OR8D4: variants seen among roughly 807,000 people sequenced by gnomAD.
OR8D4 encodes the protein olfactory receptor 8D4.
For missense variants in OR8D4, 359 were observed against 372.6 expected (o/e 0.96, Z 0.30); for synonymous variants, 141 against 134.8 (o/e 1.05, Z -0.32).
chr11:123,903,403 C>T (rs1052722454), intron 1 of OR8D4, among the ~76,000 whole-genome samples: 3 of 151,968 alleles, frequency 2.0e-5, no homozygotes, highest in Non-Finnish European at 2.9e-5. Flanking sequence ...TTTTAAATTG[C>T]CCGTGTGTCT....
rs762296614 is a variant in OR8D4, at chr11:123,906,800, C to T, written c.369C>T (p.Tyr123=). 1.5e-5 allele frequency: 25 copies of T among 1,613,748 alleles called. No homozygotes were observed. The highest frequency in any genetic ancestry group is 5.0e-5 in the Admixed American group (3 of 59,990). Residue 123 remains tyrosine, a synonymous_variant, in exon 2 of 2, where the codon TAC becomes TAT. Coordinates refer to ENST00000641687, the MANE Select transcript of OR8D4 (RefSeq NM_001005197.2). ...TGGCAGCCATGGCCTGCGATCGCTA[C>T]GTGGCCATCTGCAGCCCACTGCTCT... ...YMLAAMACDR[Y]VAICSPLLYR... is the part of the protein sequence containing the mutation.
Position 123,909,219 on chromosome 11 carries a change from G to C in OR8D4, c.*1843G>C, listed in dbSNP as rs11219345. The C allele has an allele frequency of 5.4e-3, 819 of 152,130 alleles. 7 individuals carry two copies. Among genetic ancestry groups the C allele is most frequent in the African/African-American group, 0.019 (793 of 41,524 alleles). The allele number at this position is 152,130 out of a possible 1,614,324, so 9.4% of individuals were successfully genotyped here. ...TAGAAATAAAAAAAAATAGATTCAAGATACATTTCTGACTGTGAATAAATA... is the reference window on the plus strand; with the variant it reads ...TAGAAATAAAAAAAAATAGATTCAACATACATTTCTGACTGTGAATAAATA... On this transcript the variant is annotated 3_prime_UTR_variant, in exon 2 of 2. Coordinates refer to ENST00000641687, the MANE Select transcript of OR8D4 (RefSeq NM_001005197.2).
chr11:123,906,547 T>A lies in OR8D4; in HGVS notation c.116T>A (p.Val39Glu). Reference protein sequence around the residue: ...CLFLGIYTVTVVGNLSMISII... With the variant: ...CLFLGIYTVTEVGNLSMISII... ...TTCTTAGGAATTTACACAGTTACTG[T>A]GGTGGGAAACCTCAGCATGATCTCA... The change falls in exon 2 of 2, where the codon GTG (valine) becomes GAG (glutamate). Residue 39 changes from valine (V) to glutamate (E), a missense_variant. Val to Glu is a moderately radical substitution (Grantham distance 121). Transcript: ENST00000641687. 1 of 1,613,836 alleles carries A rather than the reference T, an allele frequency of 6.2e-7. No homozygotes were observed.
In OR8D4 at chr11:123,902,169, A is replaced by G. The variant is rs1863165969; in HGVS notation, c.-104A>G. ...CTGTTGTCACTCAGACACTTAAAGA[A>G]GAAGGTAAAATCAATCCATCTCTAC... is the stretch of plus-strand genomic sequence containing the variant. On this transcript the variant is annotated 5_prime_UTR_variant, in exon 1 of 2. Transcript: ENST00000641687. 6.6e-6 allele frequency: 1 copy of G among 152,166 alleles called. No individual in the cohort carries two copies. Among genetic ancestry groups the G allele is most frequent in the Non-Finnish European group, 1.5e-5 (1 of 68,024 alleles). The allele number at this position is 152,166 out of a possible 1,614,324, so 9.4% of individuals were successfully genotyped here. A position where few individuals can be genotyped will look rare whatever the true frequency, so the allele number is the denominator to read the frequency against.
rs1863222365 is a variant in OR8D4 at position 123,908,281 on chromosome 11, A to G, written c.*905A>G. On this transcript the variant is annotated 3_prime_UTR_variant, in exon 2 of 2. Transcript: ENST00000641687. ...TTAAAATGTCTTGTTTTTTTTCAGC[A>G]TGACCAGTATATGTGCAGTATTTTG... 1 of 152,150 alleles carries G rather than the reference A, an allele frequency of 6.6e-6. No individual in the cohort carries two copies. The highest frequency in any genetic ancestry group is 1.5e-5 in the Non-Finnish European group (1 of 68,020). The allele number at this position is 152,150 out of a possible 1,614,324, so 9.4% of individuals were successfully genotyped here.
chr11:123,906,402 C>T lies in OR8D4; in HGVS notation c.-15-15C>T. The T allele has an allele frequency of 7.0e-7, 1 of 1,418,720 alleles. No individual in the cohort carries two copies. The highest frequency in any genetic ancestry group is 9.6e-7 in the Non-Finnish European group (1 of 1,039,006). 87.9% of individuals were successfully genotyped at this position (1,418,720 alleles called of 1,614,324 possible). ...ACACTGATAGAATTTGACTTTTTCT[C>T]TCTCATCTCCACAGATTTCTCAGAG... On this transcript the variant is annotated splice_polypyrimidine_tract_variant and intron_variant, in intron 1 of 1. Coordinates refer to ENST00000641687, the MANE Select transcript of OR8D4 (RefSeq NM_001005197.2).
chr11:123,907,062 A>G lies in OR8D4; in HGVS notation c.631A>G (p.Ser211Gly). The G allele has an allele frequency of 6.2e-7, 1 of 1,614,106 alleles. No individual in the cohort carries two copies. The highest frequency in any genetic ancestry group is 8.5e-7 in the Non-Finnish European group (1 of 1,179,980). The change falls in exon 2 of 2, where the codon AGC (serine) becomes GGC (glycine). Residue 211 changes from serine to glycine, a missense_variant. Transcript: ENST00000641687. ...TGGTGGATTTAACATGGTGGCCACA[A>G]GCCTAACAATCATTATTTCATATGC... Reference protein sequence around the residue: ...VIGGFNMVATSLTIIISYAFI... With the variant: ...VIGGFNMVATGLTIIISYAFI...
At chr11:123,905,924 A>G (rs1183725297) in intron 1 of OR8D4, among the ~76,000 whole-genome samples, 3 of 152,194 alleles carry the variant, frequency 2.0e-5, no homozygotes, top group African/African-American at 7.2e-5. Context: ...TGTTATCAGT[A>G]CTGCACAAAG....
rs942749634 is a variant in OR8D4, at chr11:123,907,512, C to T, written c.*136C>T. 1.7e-4 allele frequency: 80 copies of T among 466,222 alleles called. 1 individual carries two copies. Among genetic ancestry groups the T allele is most frequent in the Non-Finnish European group, 2.7e-4 (72 of 264,058 alleles). The allele number at this position is 466,222 out of a possible 1,614,324, so 28.9% of individuals were successfully genotyped here. On this transcript the variant is annotated 3_prime_UTR_variant, in exon 2 of 2. Coordinates refer to ENST00000641687, the MANE Select transcript of OR8D4 (RefSeq NM_001005197.2). ...CTGTAATCCCAGCACTTTGGGAGGCCGAGTTGGGTGGATCACGAGGTCCGG... is the reference window on the plus strand; with the variant it reads ...CTGTAATCCCAGCACTTTGGGAGGCTGAGTTGGGTGGATCACGAGGTCCGG...
chr11:123,903,080 C>T (rs1863173815), intron 1 of OR8D4, among the ~76,000 whole-genome samples: 1 of 151,684 alleles, frequency 6.6e-6, no homozygotes, highest in South Asian at 2.1e-4. Context: ...TGAATATGTA[C>T]AGACATTTTT....
chr11:123,906,905 C>G lies in OR8D4; in HGVS notation c.474C>G (p.Ile158Met), dbSNP rs146753126. ...VFSVGFTDAV[I>M]HGGCILRLSF... is the part of the protein sequence containing the mutation. The stretch of plus-strand genomic sequence containing the variant: ...CAGTAGGTTTCACTGATGCTGTGAT[C>G]CATGGAGGTTGTATACTCAGGTTGT... Residue 158 changes from isoleucine (I) to methionine (M), a missense_variant, in exon 2 of 2, where the codon ATC becomes ATG. Physicochemically the swap from Ile to Met is conservative, Grantham distance 10 (BLOSUM62 1). Coordinates refer to ENST00000641687, the MANE Select transcript of OR8D4 (RefSeq NM_001005197.2). 2.5e-6 allele frequency: 4 copies of G among 1,613,878 alleles called. No homozygotes were observed. The highest frequency in any genetic ancestry group is 1.1e-5 in the South Asian group (1 of 91,074).
intron 1 of OR8D4, among the ~76,000 whole-genome samples, chr11:123,905,036 C>T (rs1863189141): frequency 6.6e-6 from 1 of 152,108 alleles, no homozygotes; most frequent in African/African-American, 2.4e-5. Flanking sequence ...TATGTGGGAG[C>T]CTCCAAGTGG....
At chr11:123,903,912 G>A (rs1005965662) in intron 1 of OR8D4, among the ~76,000 whole-genome samples, 3 of 152,054 alleles carry the variant, frequency 2.0e-5, no homozygotes, top group Non-Finnish European at 2.9e-5. Flanking sequence ...TTCAAAGATG[G>A]GCTTTACATA....
In OR8D4 at chr11:123,907,393, G is replaced by T. The variant is rs532752573; in HGVS notation, c.*17G>T. The T allele has an allele frequency of 3.0e-6, 3 of 993,466 alleles. No homozygotes were observed. In the African/African-American group the frequency reaches 4.9e-5, roughly 16 times the overall value. 61.5% of individuals were successfully genotyped at this position (993,466 alleles called of 1,614,324 possible). A position where few individuals can be genotyped will look rare whatever the true frequency, so the allele number is the denominator to read the frequency against. On this transcript the variant is annotated 3_prime_UTR_variant, in exon 2 of 2. Transcript: ENST00000641687. ...CCAGGATAAATATGCTCTTTATTAAGATCTATTTCTGTATTCATAATCATG... is the reference window on the plus strand; with the variant it reads ...CCAGGATAAATATGCTCTTTATTAATATCTATTTCTGTATTCATAATCATG...
At chr11:123,905,542 G>T (rs917511416) in intron 1 of OR8D4, among the ~76,000 whole-genome samples, 4 of 152,046 alleles carry the variant, frequency 2.6e-5, no homozygotes, top group Non-Finnish European at 5.9e-5. Flanking sequence ...TTATTCTTTT[G>T]CTGAACACCC....
In OR8D4 at chr11:123,906,660, A is replaced by G; in HGVS notation, c.229A>G (p.Ile77Val). The change falls in exon 2 of 2, where the codon ATT becomes GTT. Residue 77 changes from isoleucine (I) to valine (V), a missense_variant. Transcript: ENST00000641687. ...TTTAGATTTCTGCTATTCTTCTGTC[A>G]TTACCCCTAAAATGCTATCAGGGTT... Reference protein sequence around the residue: ...SFLDFCYSSVITPKMLSGFLC... With the variant: ...SFLDFCYSSVVTPKMLSGFLC... The G allele has an allele frequency of 6.2e-7, 1 of 1,613,316 alleles. No individual in the cohort carries two copies. Among genetic ancestry groups the G allele is most frequent in the Non-Finnish European group, 8.5e-7 (1 of 1,179,272 alleles).
At position 123,906,595 on chromosome 11, in the gene OR8D4, T is replaced by G. The variant is rs17127947; in HGVS notation, c.164T>G (p.Leu55Arg). The G allele has an allele frequency of 0.19, 305,315 of 1,612,586 alleles. 29,936 individuals are homozygous for G. Among genetic ancestry groups the G allele is most frequent in the African/African-American group, 0.25 (18,856 of 74,950 alleles). The change falls in exon 2 of 2, where the codon CTT (leucine) becomes CGT (arginine). Residue 55 changes from leucine (L) to arginine (R), a missense_variant. Physicochemically the swap from Leu to Arg is moderately radical, Grantham distance 102. Coordinates refer to ENST00000641687, the MANE Select transcript of OR8D4 (RefSeq NM_001005197.2). ...MISIIRLNRQLHTPMYYFLSS... is the reference protein window; with the variant it reads ...MISIIRLNRQRHTPMYYFLSS... ...TCAATTATTAGGCTGAATCGTCAAC[T>G]TCATACCCCCATGTACTATTTCCTG...
chr11:123,904,617 T>C lies in OR8D4; in HGVS notation c.-15-1800T>C, dbSNP rs373109801. Reference sequence around the variant, plus strand: ...TTTTGCACGTGATCTTCCATCTCCATCATTTAGGATGAGAGAGGAGCAGAT... The same window carrying C: ...TTTTGCACGTGATCTTCCATCTCCACCATTTAGGATGAGAGAGGAGCAGAT... On this transcript the variant is annotated intron_variant, in intron 1 of 1. Transcript: ENST00000641687. Among the ~76,000 whole-genome samples, 244 of 152,246 alleles carry C rather than the reference T, an allele frequency of 1.6e-3. 1 individual carries two copies. Among genetic ancestry groups the C allele is most frequent in the African/African-American group, 5.5e-3 (230 of 41,572 alleles).
chr11:123,903,804 T>C (rs937928674), intron 1 of OR8D4, among the ~76,000 whole-genome samples: 1 of 152,218 alleles, frequency 6.6e-6, no homozygotes, highest in African/African-American at 2.4e-5. Flanking sequence ...TACACTGCCA[T>C]GGAATCTGTG....
Sources: gnomAD v4.1 joint callset for allele counts (sites outside exome capture counted in the v4.1 genomes callset) on GRCh38, gnomAD v4.1.1 for gene constraint, MANE v1.5 for transcripts, NCBI Gene and HGNC (gene_info 2026-07-23, HGNC 2026-07-21) for gene names.